DROSHA: variants seen among roughly 807,000 people sequenced by gnomAD.
DROSHA encodes ribonuclease 3.
A neutral mutation model predicts 181.9 loss-of-function variants in DROSHA; 56 were observed. The observed-to-expected ratio is 0.31, with a 90% CI of 0.25 to 0.38. The LOEUF is 0.38. Among genes scored for constraint, DROSHA ranks in the 10% least tolerant of loss-of-function variants. DROSHA has a pLI of 1.00. For missense variants in DROSHA, 1,218 were observed against 1,743.5 expected (o/e 0.70, Z 5.37); for synonymous variants, 524 against 591.2 (o/e 0.89, Z 1.65).
chr5:31,421,898 T>TATATATATGCACC (rs1554020855), intron 29 of DROSHA: 1 of 50,454 alleles, frequency 2.0e-5, no homozygotes, highest in African/African-American at 1.2e-4. Context: ...AAAAAAAATA[T>TATATATATGCACC]ATATATATAA....
chr5:31,439,524 T>C (rs543950430), intron 23 of DROSHA, among the ~76,000 whole-genome samples: 3 of 152,312 alleles, frequency 2.0e-5, no homozygotes, highest in African/African-American at 4.8e-5. Flanking sequence ...GTTTGTTACA[T>C]AGGTAAGCTG....
chr5:31,458,472 T>C (rs992438225), intron 20 of DROSHA, among the ~76,000 whole-genome samples: 3 of 152,172 alleles, frequency 2.0e-5, no homozygotes, highest in Non-Finnish European at 4.4e-5. Flanking sequence ...GTATTTTAAG[T>C]AATAAATGAA....
At chr5:31,504,438 G>A (rs960348145) in intron 11 of DROSHA, 117 bp downstream of exon 11, 16 of 1,138,506 alleles carry the variant, frequency 1.4e-5, no homozygotes, top group Admixed American at 1.1e-4. Flanking sequence ...GAGACTATTA[G>A]GGAATATGAA....
chr5:31,417,389 G>C (rs758362993), intron 30 of DROSHA, among the ~76,000 whole-genome samples: 6 of 152,142 alleles, frequency 3.9e-5, no homozygotes, highest in Non-Finnish European at 5.9e-5. Flanking sequence ...GGTTTGGGAG[G>C]TTTTGTGCAG....
At chr5:31,408,225 C>G (rs1740880906) in intron 33 of DROSHA, among the ~76,000 whole-genome samples, 1 of 152,186 alleles carries the variant, frequency 6.6e-6, no homozygotes, top group African/African-American at 2.4e-5. Flanking sequence ...TTACTCCATA[C>G]AGAACACACA....
intron 16 of DROSHA, among the ~76,000 whole-genome samples, chr5:31,477,783 T>G (rs1481870613): frequency 6.6e-6 from 1 of 152,234 alleles, no homozygotes; most frequent in East Asian, 1.9e-4. Flanking sequence ...ATACTCAGTC[T>G]AGTTCATATC....
Position 31,498,638 on chromosome 5 carries a change from G to A in DROSHA, c.1669-3266C>T, listed in dbSNP as rs190184386. On this transcript the variant is annotated intron_variant, in intron 11 of 35. Transcript: ENST00000344624. ...TTTGGGAGGCCAAGGTGGGCAGATC[G>A]CCTGAGGTCGGGAGTTCAAGACCAG... is the stretch of plus-strand genomic sequence containing the variant. 5.6e-3 allele frequency among the ~76,000 whole-genome samples: 849 copies of A among 152,022 alleles called. 25 individuals are homozygous for A. In the East Asian group the frequency reaches 0.072, roughly 13 times the overall value.
intron 19 of DROSHA, 128 bp from the exon 20 acceptor site, chr5:31,464,471 C>G (rs116261846): frequency 5.9e-4 from 471 of 800,098 alleles, no homozygotes; most frequent in Non-Finnish European, 6.9e-4. Flanking sequence ...CAAACCTCTT[C>G]ATACAAAATT....
chr5:31,484,130 G>A (rs961312553), intron 15 of DROSHA, among the ~76,000 whole-genome samples: 1 of 152,112 alleles, frequency 6.6e-6, no homozygotes, highest in Admixed American at 6.5e-5. Context: ...CCAGCACTTT[G>A]GGAGGCCGAG....
In DROSHA at chr5:31,437,215, TAAAAAACA is replaced by T; in HGVS notation, c.2942+16_2942+23del. 1 of 1,556,574 alleles carries T rather than the reference TAAAAAACA, an allele frequency of 6.4e-7. No individual in the cohort carries two copies. Among genetic ancestry groups the T allele is most frequent in the Non-Finnish European group, 8.7e-7 (1 of 1,149,744 alleles). Reference sequence around the variant, plus strand: ...ATAAAATGTAATTATTGAGGAATTGTAAAAAACAAAAAAGCCTAATTACCTGGTCAGAA... The same window carrying T: ...ATAAAATGTAATTATTGAGGAATTGTAAAAAGCCTAATTACCTGGTCAGAA... On this transcript the variant is annotated intron_variant, in intron 24 of 35. Transcript: ENST00000344624.
At chr5:31,487,552 T>C (rs1481169436) in intron 13 of DROSHA, among the ~76,000 whole-genome samples, 1 of 152,212 alleles carries the variant, frequency 6.6e-6, no homozygotes, top group Non-Finnish European at 1.5e-5. Context: ...AGAGACGCGT[T>C]AACTGAGTTT....
chr5:31,436,999 T>C (rs551880642), intron 24 of DROSHA, among the ~76,000 whole-genome samples: 198 of 152,290 alleles, frequency 1.3e-3, no homozygotes, highest in African/African-American at 4.5e-3. Flanking sequence ...CTTTAACATA[T>C]ACTTGACAGG....
intron 27 of DROSHA, among the ~76,000 whole-genome samples, chr5:31,426,069 T>A (rs978631092): frequency 1.3e-5 from 2 of 152,132 alleles, no homozygotes; most frequent in South Asian, 2.1e-4. Context: ...CTTTCTTCTA[T>A]CACCTTCATG....
At chr5:31,530,335 G>A (rs776097465) in intron 3 of DROSHA, among the ~76,000 whole-genome samples, 1 of 151,870 alleles carries the variant, frequency 6.6e-6, no homozygotes, top group Non-Finnish European at 1.5e-5. Context: ...CCTGGGGCCC[G>A]GACAGGTGCT....
chr5:31,462,205 T>C (rs1052470066), intron 20 of DROSHA, among the ~76,000 whole-genome samples: 1 of 152,160 alleles, frequency 6.6e-6, no homozygotes, highest in Non-Finnish European at 1.5e-5. Flanking sequence ...GTATTCAGTA[T>C]ATGAACTCAT....
At chr5:31,522,469 A>G (rs1740002423) in intron 5 of DROSHA, among the ~76,000 whole-genome samples, 2 of 152,226 alleles carry the variant, frequency 1.3e-5, no homozygotes, top group South Asian at 4.1e-4. Context: ...TTTTTACCAT[A>G]TAGCCAATAG....
chr5:31,400,868 T>TTGAATATCAGA lies in DROSHA; in HGVS notation c.*563_*564insTCTGATATTCA, dbSNP rs2149980670. 6.3e-6 allele frequency: 1 copy of TTGAATATCAGA among 157,486 alleles called. No homozygotes were observed. Among genetic ancestry groups the TTGAATATCAGA allele is most frequent in the South Asian group, 1.9e-4 (1 of 5,338 alleles). 9.8% of individuals were successfully genotyped at this position (157,486 alleles called of 1,614,324 possible). ...AATCTGTATGACTTGAATATCAGTC[T>TTGAATATCAGA]TTCCCCTTCTCCCATTAGCCAATTA... On this transcript the variant is annotated 3_prime_UTR_variant, in exon 36 of 36. Coordinates refer to ENST00000344624, the MANE Select transcript of DROSHA (RefSeq NM_001382508.1).
At chr5:31,486,697 T>C (rs977266860) in intron 13 of DROSHA, 135 bp from the exon 14 acceptor site, 3 of 661,008 alleles carry the variant, frequency 4.5e-6, no homozygotes, top group Non-Finnish European at 7.6e-6. Context: ...CTAACAACAC[T>C]GCACATGAAG....
At chr5:31,438,144 G>A (rs771716427) in intron 23 of DROSHA, among the ~76,000 whole-genome samples, 4 of 152,114 alleles carry the variant, frequency 2.6e-5, no homozygotes, top group Admixed American at 1.3e-4. Flanking sequence ...GGTGGCCCAC[G>A]GAAAACCTCC....
Sources: gnomAD v4.1 joint callset for allele counts (sites outside exome capture counted in the v4.1 genomes callset) on GRCh38, gnomAD v4.1.1 for gene constraint, MANE v1.5 for transcripts, NCBI Gene and HGNC (gene_info 2026-07-23, HGNC 2026-07-21) for gene names.